GULP1: variants seen among roughly 807,000 people sequenced by gnomAD.
GULP1 encodes the protein GULP PTB domain containing engulfment adaptor 1, also known as PTB domain-containing engulfment adapter protein 1.
A neutral mutation model predicts 40.9 loss-of-function variants in GULP1; 19 were observed. The ratio of observed to expected loss-of-function variants is 0.46; its 90% CI spans 0.32 to 0.68. The LOEUF (loss-of-function observed/expected upper bound fraction) is 0.68. Among genes scored for constraint, GULP1 ranks in the 30% least tolerant of loss-of-function variants. GULP1 has a pLI of 0.03. For synonymous variants in GULP1, 119 were observed against 117.6 expected (o/e 1.01, Z -0.08); for missense variants, 312 against 362.2 (o/e 0.86, Z 1.12).
intron 1 of GULP1, among the ~76,000 whole-genome samples, chr2:188,340,030 G>A (rs114219362): frequency 0.012 from 1,893 of 152,300 alleles, 11 homozygotes; most frequent in Non-Finnish European, 0.019. Flanking sequence ...GAACGAGAGA[G>A]ATTTGTATAA....
Position 188,570,213 on chromosome 2 carries a change from G to A in GULP1, c.609+93G>A. ...TGCAATATTTCATATAATACTTGGG[G>A]ATCAGTAATTTCAAAGTAAACATGG... is the stretch of plus-strand genomic sequence containing the variant. On this transcript the variant is annotated intron_variant, in intron 9 of 11. Transcript: ENST00000409830. 4 of 637,296 alleles carry A rather than the reference G, an allele frequency of 6.3e-6. No homozygotes were observed. The South Asian group carries it at 7.7e-5, about 12-fold the overall frequency. The allele number at this position is 637,296 out of a possible 1,614,324, so 39.5% of individuals were successfully genotyped here.
intron 7 of GULP1, among the ~76,000 whole-genome samples, chr2:188,543,446 G>A (rs934663294): frequency 1.3e-5 from 2 of 152,002 alleles, no homozygotes; most frequent in Admixed American, 6.6e-5. Context: ...GAAAAAGGAC[G>A]TTTCCTCAAA....
intron 1 of GULP1, among the ~76,000 whole-genome samples, chr2:188,328,435 C>G (rs2041068616): frequency 6.6e-6 from 1 of 152,116 alleles, no homozygotes; most frequent in Non-Finnish European, 1.5e-5. Flanking sequence ...TTCTGTTTCT[C>G]TTAATGCCAT....
chr2:188,588,177 A>G, intron 11 of GULP1: 1 of 514,344 alleles, frequency 1.9e-6, no homozygotes, highest in Non-Finnish European at 3.6e-6. Context: ...TAATGTCAAT[A>G]AGATGGTTCA....
In GULP1 at chr2:188,511,782, G is replaced by A. The variant is rs181120151; in HGVS notation, c.91-10974G>A. Among the ~76,000 whole-genome samples, 1,444 of 151,896 alleles carry A rather than the reference G, an allele frequency of 9.5e-3. 12 individuals carry two copies. The highest frequency in any genetic ancestry group is 0.013 in the Non-Finnish European group (867 of 67,950). On this transcript the variant is annotated intron_variant, in intron 4 of 11. Coordinates refer to ENST00000409830, the MANE Select transcript of GULP1 (RefSeq NM_016315.4). Reference sequence around the variant, plus strand: ...TAAATAATTGTTATAATAAAATGAGGAACAAATATTAAATATAAAATGTGG... The same window carrying A: ...TAAATAATTGTTATAATAAAATGAGAAACAAATATTAAATATAAAATGTGG...
At chr2:188,496,795 G>A (rs114708606) in intron 4 of GULP1, among the ~76,000 whole-genome samples, 6,338 of 151,970 alleles carry the variant, frequency 0.042, 300 homozygotes, top group African/African-American at 0.11. Context: ...ATCATGGGGG[G>A]TGGTTTCTCA....
intron 4 of GULP1, among the ~76,000 whole-genome samples, chr2:188,516,977 C>A (rs970373184): frequency 1.1e-4 from 16 of 152,264 alleles, no homozygotes; most frequent in Admixed American, 1.0e-3. Flanking sequence ...AAAGCAGACA[C>A]AGTCACATAC....
At chr2:188,509,420 G>A (rs575499738) in intron 4 of GULP1, among the ~76,000 whole-genome samples, 5 of 152,132 alleles carry the variant, frequency 3.3e-5, no homozygotes, top group East Asian at 3.9e-4. Context: ...GAAATAGACC[G>A]TATTAATCAT....
At chr2:188,408,109 G>A (rs1026858914) in intron 2 of GULP1, among the ~76,000 whole-genome samples, 4 of 152,100 alleles carry the variant, frequency 2.6e-5, no homozygotes, top group Non-Finnish European at 4.4e-5. Context: ...GGTTATCAGG[G>A]TGAGGCCAAT....
chr2:188,403,885 T>A (rs901132729), intron 2 of GULP1, among the ~76,000 whole-genome samples: 18 of 152,206 alleles, frequency 1.2e-4, no homozygotes, highest in South Asian at 6.2e-4. Flanking sequence ...AGCAAGGATA[T>A]GAGTTTGGAC....
At chr2:188,336,402 T>C (rs1372328105) in intron 1 of GULP1, among the ~76,000 whole-genome samples, 2 of 152,210 alleles carry the variant, frequency 1.3e-5, no homozygotes, top group Non-Finnish European at 2.9e-5. Context: ...ATGCAACATA[T>C]ATTTGAAAGC....
At chr2:188,579,259 C>T (rs541294042) in intron 9 of GULP1, among the ~76,000 whole-genome samples, 1 of 152,252 alleles carries the variant, frequency 6.6e-6, no homozygotes, top group African/African-American at 2.4e-5. Context: ...CCTTCAAAGA[C>T]ACAGCAGATA....
rs532268653 is a variant in GULP1, at chr2:188,368,572, C to A, written c.-171-15191C>A. Among the ~76,000 whole-genome samples, 213 of 151,770 alleles carry A rather than the reference C, an allele frequency of 1.4e-3. 1 individual carries two copies. The highest frequency in any genetic ancestry group is 2.3e-3 in the Non-Finnish European group (156 of 67,920). ...CTCCAGCCTGGGTAACAGAGCGAGA[C>A]TCCATCTAAAATAAATAAATAAATA... On this transcript the variant is annotated intron_variant, in intron 1 of 11. Coordinates refer to ENST00000409830, the MANE Select transcript of GULP1 (RefSeq NM_016315.4).
intron 9 of GULP1, among the ~76,000 whole-genome samples, chr2:188,580,993 A>G (rs1701205000): frequency 6.6e-6 from 1 of 152,112 alleles, no homozygotes; most frequent in Non-Finnish European, 1.5e-5. Flanking sequence ...ACACCTCATC[A>G]CATTGTATTT....
chr2:188,445,508 G>T (rs1039235498), intron 2 of GULP1, among the ~76,000 whole-genome samples: 1 of 152,034 alleles, frequency 6.6e-6, no homozygotes, highest in Non-Finnish European at 1.5e-5. Context: ...GAAATACATA[G>T]GGTTAACAAT....
chr2:188,411,373 C>T (rs2053859193), intron 2 of GULP1, among the ~76,000 whole-genome samples: 1 of 152,110 alleles, frequency 6.6e-6, no homozygotes, highest in African/African-American at 2.4e-5. Flanking sequence ...ATTGGGCACT[C>T]AGTGGTGGCC....
chr2:188,482,972 A>C lies in GULP1; in HGVS notation c.29-459A>C, dbSNP rs565904079. Among the ~76,000 whole-genome samples the C allele has an allele frequency of 2.0e-5, 3 of 151,970 alleles. No homozygotes were observed. In the South Asian group the frequency reaches 6.2e-4, roughly 31 times the overall value. ...AATGCAGTTGTTAGTATAATATGAT[A>C]ATTTCCCTTTAGAATAACTAAATCT... On this transcript the variant is annotated intron_variant, in intron 3 of 11. Transcript: ENST00000409830.
chr2:188,588,067 T>C (rs776565581), intron 11 of GULP1, 118 bp downstream of exon 11: 2 of 712,958 alleles, frequency 2.8e-6, no homozygotes, highest in Non-Finnish European at 5.2e-6. Context: ...AAAAACTCGC[T>C]TAAAATAATT....
chr2:188,524,604 ATT>A (rs202151742), intron 5 of GULP1, among the ~76,000 whole-genome samples: 6 of 139,728 alleles, frequency 4.3e-5, no homozygotes, highest in African/African-American at 1.5e-4. Flanking sequence ...ATATATATAT[ATT>A]TTTTTTTTGC....
Sources: allele counts gnomAD v4.1 joint callset (sites outside exome capture counted in the v4.1 genomes callset), GRCh38; gene constraint gnomAD v4.1.1; transcripts MANE v1.5; gene names NCBI Gene and HGNC (gene_info 2026-07-23, HGNC 2026-07-21).